Variants in SHISAL1 observed in about 807,000 individuals in gnomAD.
SHISAL1 encodes shisa like 1, also known as protein shisa-like-1.
A neutral mutation model predicts 22.6 loss-of-function variants in SHISAL1; 9 were observed. The observed-to-expected ratio is 0.40, with a 90% confidence interval of 0.24 to 0.70. SHISAL1 has a LOEUF of 0.70. Among genes scored for constraint, SHISAL1 ranks in the 30% least tolerant of loss-of-function variants. The pLI is 0.39. For missense variants in SHISAL1, 246 were observed against 270.6 expected (o/e 0.91, Z 0.64); for synonymous variants, 119 against 115.4 (o/e 1.03, Z -0.20).
chr22:44,276,322 G>A (rs2055239378), intron 4 of SHISAL1, among the ~76,000 whole-genome samples: 1 of 152,218 alleles, frequency 6.6e-6, no homozygotes, highest in South Asian at 2.1e-4. Context: ...AAGCGGCAGT[G>A]TGGGGAGATG....
At chr22:44,321,877 A>G in the SHISAL1 span, among the ~76,000 whole-genome samples, 2 of 151,874 alleles carry the variant, frequency 1.3e-5, no homozygotes. Flanking sequence ...CCTTCGGAGC[A>G]CTCTGCATGG....
intron 4 of SHISAL1, among the ~76,000 whole-genome samples, chr22:44,269,040 G>T (rs1423573067): frequency 6.6e-6 from 1 of 152,038 alleles, no homozygotes; most frequent in Non-Finnish European, 1.5e-5. Context: ...TGTCCCTGAT[G>T]CTGGGGCTGC....
intron 1 of SHISAL1, among the ~76,000 whole-genome samples, chr22:44,304,866 TG>T (rs1241094443): frequency 6.6e-6 from 1 of 151,824 alleles, no homozygotes; most frequent in African/African-American, 2.4e-5. Flanking sequence ...CCCCGTAGGG[TG>T]GGGCTGCCCC....
chr22:44,321,544 G>C, the SHISAL1 span, among the ~76,000 whole-genome samples: 1 of 152,304 alleles, frequency 6.6e-6, no homozygotes, highest in South Asian at 2.1e-4. Flanking sequence ...CACAGGGCTA[G>C]AGTCTGGAGC....
At chr22:44,329,358 C>G in the SHISAL1 span, among the ~76,000 whole-genome samples, 1 of 152,134 alleles carries the variant, frequency 6.6e-6, no homozygotes, top group Non-Finnish European at 1.5e-5. Flanking sequence ...GTGAGCAGCA[C>G]TGGCCCTGCC....
At chr22:44,280,700 G>A (rs1744807453) in intron 4 of SHISAL1, among the ~76,000 whole-genome samples, 2 of 151,324 alleles carry the variant, frequency 1.3e-5, no homozygotes, top group South Asian at 4.2e-4. Flanking sequence ...GGGAGGTGGG[G>A]ACAATGGGGA....
chr22:44,277,667 C>G (rs753310837), intron 4 of SHISAL1, among the ~76,000 whole-genome samples: 1 of 152,088 alleles, frequency 6.6e-6, no homozygotes, highest in East Asian at 1.9e-4. Context: ...GGGCGTGAGA[C>G]AGAGGCGTGC....
chr22:44,311,942 G>A (rs1289906151), intron 1 of SHISAL1, among the ~76,000 whole-genome samples: 1 of 152,166 alleles, frequency 6.6e-6, no homozygotes, highest in East Asian at 1.9e-4. Flanking sequence ...TCCCACTGGA[G>A]AAACACAAAA....
chr22:44,287,491 C>T (rs1421954143), intron 3 of SHISAL1, among the ~76,000 whole-genome samples: 1 of 152,192 alleles, frequency 6.6e-6, no homozygotes, highest in African/African-American at 2.4e-5. Context: ...AGTGCTTAGG[C>T]TTTGTAGCTG....
chr22:44,245,326 A>C lies in SHISAL1; in HGVS notation c.*4359T>G, dbSNP rs1402165957. 2.0e-5 allele frequency: 3 copies of C among 152,198 alleles called. No homozygotes were observed. The highest frequency in any genetic ancestry group is 3.4e-3 in the Middle Eastern group (1 of 296). 9.4% of individuals were successfully genotyped at this position (152,198 alleles called of 1,614,324 possible). A position where few individuals can be genotyped will look rare whatever the true frequency, so the allele number is the denominator to read the frequency against. On this transcript the variant is annotated 3_prime_UTR_variant, in exon 5 of 5. Coordinates refer to ENST00000381176, the MANE Select transcript of SHISAL1 (RefSeq NM_001099294.2). Reference sequence around the variant, plus strand: ...GTTCTTCCTTCCTTCCTTCTTACCTACCTACCTAGACAGAGTCTCACTCTG... The same window carrying C: ...GTTCTTCCTTCCTTCCTTCTTACCTCCCTACCTAGACAGAGTCTCACTCTG...
At chr22:44,320,698 G>A in the SHISAL1 span, among the ~76,000 whole-genome samples, 9 of 152,158 alleles carry the variant, frequency 5.9e-5, no homozygotes, top group South Asian at 2.1e-4. Flanking sequence ...AGCTCCAGCC[G>A]ATGTCCAGGC....
chr22:44,319,013 T>C, the SHISAL1 span, among the ~76,000 whole-genome samples: 1 of 152,208 alleles, frequency 6.6e-6, no homozygotes, highest in Non-Finnish European at 1.5e-5. Flanking sequence ...CACTTGGGGC[T>C]CAAAGGGTCC....
chr22:44,309,770 G>A (rs537149757), intron 1 of SHISAL1, among the ~76,000 whole-genome samples: 31 of 152,252 alleles, frequency 2.0e-4, no homozygotes, highest in African/African-American at 6.7e-4. Context: ...GCCTTTCCTC[G>A]GCAGTGCAGA....
chr22:44,287,274 A>C (rs1170287825), intron 3 of SHISAL1, among the ~76,000 whole-genome samples: 2 of 152,132 alleles, frequency 1.3e-5, no homozygotes, highest in Non-Finnish European at 2.9e-5. Context: ...CTGTAGGAAG[A>C]TGGGGGCTGC....
chr22:44,300,947 G>T lies in SHISAL1; in HGVS notation c.-2C>A, dbSNP rs776071389. ...GGACTGCTGGCCACAACTGGTCATC[G>T]TCTGGCTTGCATTGATCCGTCCAGA... is the stretch of plus-strand genomic sequence containing the variant. On this transcript the variant is annotated 5_prime_UTR_variant, in exon 2 of 5. Transcript: ENST00000381176. 6.2e-7 allele frequency: 1 copy of T among 1,614,030 alleles called. No individual in the cohort carries two copies. The highest frequency in any genetic ancestry group is 8.5e-7 in the Non-Finnish European group (1 of 1,179,904).
In SHISAL1 at chr22:44,245,320, T is replaced by TTAAC. The variant is rs2054989968; in HGVS notation, c.*4364_*4365insGTTA. 1.3e-5 allele frequency: 2 copies of TTAAC among 152,342 alleles called. No homozygotes were observed. Among genetic ancestry groups the TTAAC allele is most frequent in the African/African-American group, 2.4e-5 (1 of 41,430 alleles). The allele number at this position is 152,342 out of a possible 1,614,324, so 9.4% of individuals were successfully genotyped here. ...AGGTCTGTTCTTCCTTCCTTCCTTC[T>TTAAC]TACCTACCTACCTAGACAGAGTCTC... is the stretch of plus-strand genomic sequence containing the variant. On this transcript the variant is annotated 3_prime_UTR_variant, in exon 5 of 5. Coordinates refer to ENST00000381176, the MANE Select transcript of SHISAL1 (RefSeq NM_001099294.2).
chr22:44,261,173 A>T (rs1176103775), intron 4 of SHISAL1, among the ~76,000 whole-genome samples: 1 of 149,060 alleles, frequency 6.7e-6, no homozygotes, highest in Admixed American at 6.7e-5. Context: ...AATTCTACTT[A>T]TAGCTTCTTC....
the SHISAL1 span, among the ~76,000 whole-genome samples, chr22:44,329,302 C>A: frequency 6.6e-6 from 1 of 152,122 alleles, no homozygotes; most frequent in African/African-American, 2.4e-5. Flanking sequence ...TCACTCTGGG[C>A]AGGTCCCGCT....
At position 44,247,461 on chromosome 22, in the gene SHISAL1, T is replaced by G. The variant is rs1000420209; in HGVS notation, c.*2224A>C. On this transcript the variant is annotated 3_prime_UTR_variant, in exon 5 of 5. Coordinates refer to ENST00000381176, the MANE Select transcript of SHISAL1 (RefSeq NM_001099294.2). Reference sequence around the variant, plus strand: ...CAACATGGCCCTGGGACGGCTCACATCAGGGGAGAGGAAGCCATTCCTTTC... The same window carrying G: ...CAACATGGCCCTGGGACGGCTCACAGCAGGGGAGAGGAAGCCATTCCTTTC... The G allele has an allele frequency of 1.3e-5, 2 of 152,314 alleles. No homozygotes were observed. The highest frequency in any genetic ancestry group is 4.8e-5 in the African/African-American group (2 of 41,426). 9.4% of individuals were successfully genotyped at this position (152,314 alleles called of 1,614,324 possible).
Sources: gnomAD v4.1 joint callset for allele counts (sites outside exome capture counted in the v4.1 genomes callset) on GRCh38, gnomAD v4.1.1 for gene constraint, MANE v1.5 for transcripts, NCBI Gene and HGNC (gene_info 2026-07-23, HGNC 2026-07-21) for gene names.